SLC4A5: variants seen among roughly 807,000 people sequenced by gnomAD.
SLC4A5 encodes the protein solute carrier family 4 member 5.
A neutral mutation model predicts 120.4 loss-of-function variants in SLC4A5; 96 were observed. The observed-to-expected ratio is 0.80, with a 90% CI of 0.68 to 0.94. The LOEUF is 0.94. SLC4A5 is among the 40% of genes least tolerant of loss of function. The probability of loss-of-function intolerance (pLI) is 0.00; values close to 1 mark genes in which losing one functional copy is unlikely to be tolerated. For synonymous variants in SLC4A5, 550 were observed against 571.1 expected, an observed-to-expected ratio of 0.96 and a Z score of 0.53; for missense variants, 1,259 against 1,459.5, an observed-to-expected ratio of 0.86 and a Z score of 2.24.
chr2:74,304,520 C>T, exon 7 of SLC4A5: 1 of 1,613,872 alleles, frequency 6.2e-7, no homozygotes, highest in Non-Finnish European at 8.5e-7. Flanking sequence ...TGCTGCTGTC[C>T]TGGCTGCTTG....
chr2:74,231,496 C>T (rs1260621485), intron 24 of SLC4A5, among the ~76,000 whole-genome samples, 188 bp from the exon 25 acceptor site: 3 of 152,172 alleles, frequency 2.0e-5, no homozygotes, highest in African/African-American at 4.8e-5. Flanking sequence ...CGGCCCCTGA[C>T]TGGGGCAAGG....
At chr2:74,237,313 GT>G (rs1558871143) in intron 21 of SLC4A5, among the ~76,000 whole-genome samples, 1 of 152,148 alleles carries the variant, frequency 6.6e-6, no homozygotes, top group African/African-American at 2.4e-5. Flanking sequence ...CGGAAAAAAT[GT>G]TGTTGGCACA....
chr2:74,219,639 AT>A (rs1054697505), intron 30 of SLC4A5, among the ~76,000 whole-genome samples: 2 of 152,130 alleles, frequency 1.3e-5, no homozygotes, highest in Non-Finnish European at 1.5e-5. Context: ...GCCTTGTGTA[AT>A]TTAACAGGGT....
intron 29 of SLC4A5, 112 bp from the exon 30 acceptor site, chr2:74,221,613 A>C: frequency 9.5e-7 from 1 of 1,048,336 alleles, no homozygotes. Context: ...AGCCAACACT[A>C]TGCAAGAGGA....
intron 9 of SLC4A5, 96 bp downstream of exon 9, chr2:74,265,008 G>A (rs1671258535): frequency 7.3e-7 from 1 of 1,371,800 alleles, no homozygotes; most frequent in Non-Finnish European, 9.9e-7. Flanking sequence ...TCAGAGACGG[G>A]CCGTCACACA....
Position 74,255,529 on chromosome 2 carries a change from A to G in SLC4A5, c.1025+246T>C, listed in dbSNP as rs1670936334. Reference sequence around the variant, plus strand: ...AGGCTGGTCTCGAACTCCTGACCTCATGATCTGCCCACCTTGGCATCCCAA... The same window carrying G: ...AGGCTGGTCTCGAACTCCTGACCTCGTGATCTGCCCACCTTGGCATCCCAA... On this transcript the variant is annotated intron_variant, in intron 13 of 30. Coordinates refer to ENST00000394019, the Ensembl canonical transcript of SLC4A5. This position sits in a 1 kb window ranked among gnomAD's most constrained non-coding sequence, Gnocchi z 4.0. 6.6e-6 allele frequency among the ~76,000 whole-genome samples: 1 copy of G among 151,962 alleles called. No homozygotes were observed. The highest frequency in any genetic ancestry group is 1.5e-5 in the Non-Finnish European group (1 of 67,974).
chr2:74,221,872 C>G (rs940557429), intron 29 of SLC4A5, among the ~76,000 whole-genome samples: 3 of 152,008 alleles, frequency 2.0e-5, no homozygotes, highest in Admixed American at 6.6e-5. Flanking sequence ...GCACGGGGCT[C>G]GGGACTAAGG....
At chr2:74,317,165 C>T (rs1255404771) in intron 5 of SLC4A5, among the ~76,000 whole-genome samples, 1 of 152,210 alleles carries the variant, frequency 6.6e-6, no homozygotes, top group Non-Finnish European at 1.5e-5. Context: ...AACCCTGAGG[C>T]TATGGTTCCC....
chr2:74,237,343 A>G (rs909361888), intron 21 of SLC4A5, among the ~76,000 whole-genome samples: 3 of 152,106 alleles, frequency 2.0e-5, no homozygotes, highest in Non-Finnish European at 2.9e-5. Flanking sequence ...ATGCCACATG[A>G]ATTACTTTTC....
chr2:74,257,445 C>A (rs185880675), intron 12 of SLC4A5, among the ~76,000 whole-genome samples: 1 of 152,002 alleles, frequency 6.6e-6, no homozygotes, highest in East Asian at 1.9e-4. Context: ...GGGCAGCCAC[C>A]GTCTCCGAGC....
chr2:74,298,401 G>A (rs1019303319), intron 7 of SLC4A5, among the ~76,000 whole-genome samples: 1 of 152,156 alleles, frequency 6.6e-6, no homozygotes, highest in African/African-American at 2.4e-5. Context: ...CCCATCTTAT[G>A]CCACTGACAA....
intron 28 of SLC4A5, 105 bp from the exon 29 acceptor site, chr2:74,223,057 T>G (rs1694712611): frequency 1.5e-6 from 1 of 673,508 alleles, no homozygotes; most frequent in East Asian, 3.1e-5. Context: ...CAGGCTGGAG[T>G]GCAGTGGTGC....
chr2:74,226,925 A>G (rs1361702810), intron 27 of SLC4A5, 32 bp downstream of exon 27: 1 of 1,601,326 alleles, frequency 6.2e-7, no homozygotes, highest in South Asian at 1.1e-5. Flanking sequence ...CCAACCTGCC[A>G]GGCAGGAGGG....
chr2:74,319,807 C>T lies in SLC4A5; in HGVS notation c.-2-4782G>A, dbSNP rs183502938. On this transcript the variant is annotated intron_variant, in intron 5 of 30. Coordinates refer to ENST00000394019, the Ensembl canonical transcript of SLC4A5. ...TGCATTTTGGTTTCATTTGGTCTCA[C>T]CTGACCATCTAAACCTTACTCTCCT... is the stretch of plus-strand genomic sequence containing the variant. Among the ~76,000 whole-genome samples the T allele has an allele frequency of 4.0e-3, 615 of 152,256 alleles. 3 individuals carry two copies. Among genetic ancestry groups the T allele is most frequent in the Non-Finnish European group, 6.3e-3 (426 of 68,024 alleles).
exon 7 of SLC4A5, chr2:74,304,667 G>C (rs756588682): frequency 6.2e-7 from 1 of 1,613,346 alleles, no homozygotes; most frequent in Non-Finnish European, 8.5e-7. Context: ...GCCCAATGTG[G>C]ATAGGAGGGC....
intron 7 of SLC4A5, among the ~76,000 whole-genome samples, chr2:74,302,512 G>A (rs956318376): frequency 3.9e-5 from 6 of 152,150 alleles, no homozygotes; most frequent in East Asian, 1.9e-4. Context: ...AGCTACTCGC[G>A]AGGCTGAGGC....
intron 20 of SLC4A5, among the ~76,000 whole-genome samples, chr2:74,241,738 T>C (rs1333241947): frequency 4.3e-5 from 5 of 115,620 alleles, no homozygotes; most frequent in Non-Finnish European, 9.4e-5. Context: ...TGAGACCCTG[T>C]CTCAAAAAAA....
intron 23 of SLC4A5, 114 bp downstream of exon 23, chr2:74,233,288 G>T: frequency 8.0e-7 from 1 of 1,251,636 alleles, no homozygotes; most frequent in Non-Finnish European, 1.2e-6. Context: ...TCTAGTCTCT[G>T]TCCTCATATT....
At chr2:74,236,034 TTAACA>T (rs1389700378) in intron 21 of SLC4A5, among the ~76,000 whole-genome samples, 2 of 152,332 alleles carry the variant, frequency 1.3e-5, no homozygotes, top group African/African-American at 4.8e-5. Flanking sequence ...AAATTTGTTA[TTAACA>T]TAACATATGT....
Sources: gnomAD v4.1 joint callset for allele counts (sites outside exome capture counted in the v4.1 genomes callset) on GRCh38, gnomAD v4.1.1 for gene constraint, Gnocchi (gnomAD v3.1) non-coding constraint, MANE v1.5 for transcripts, NCBI Gene and HGNC (gene_info 2026-07-23, HGNC 2026-07-21) for gene names.